Variants in KCNK2 observed in about 807,000 individuals in gnomAD.
KCNK2 encodes potassium two pore domain channel subfamily K member 2, also known as potassium channel subfamily K member 2.
Under a neutral mutation model 40.5 loss-of-function variants are expected in KCNK2, and 21 were observed. That is an observed-to-expected ratio of 0.52 (90% confidence interval 0.37 to 0.75). KCNK2 has a LOEUF of 0.75. KCNK2 is among the 30% of genes least tolerant of loss of function. The pLI is 0.00. For synonymous variants in KCNK2, 191 were observed against 202.2 expected (o/e 0.94, Z 0.47); for missense variants, 399 against 531.6 (o/e 0.75, Z 2.45).
At chr1:215,175,146 A>G (rs1558125454) in intron 5 of KCNK2, among the ~76,000 whole-genome samples, 1 of 152,142 alleles carries the variant, frequency 6.6e-6, no homozygotes, top group Non-Finnish European at 1.5e-5. Context: ...CGTCCCATCA[A>G]TGCCTAATTT....
At chr1:215,007,027 A>ATATATATATGTGTGTGTGTG (rs1656157389) in intron 1 of KCNK2, among the ~76,000 whole-genome samples, 1 of 56,152 alleles carries the variant, frequency 1.8e-5, no homozygotes, top group African/African-American at 5.8e-5. Flanking sequence ...ATATATATAT[A>ATATATATATGTGTGTGTGTG]TATATATATA....
chr1:215,070,036 G>T (rs781621909), intron 1 of KCNK2, among the ~76,000 whole-genome samples: 1 of 152,104 alleles, frequency 6.6e-6, no homozygotes, highest in Non-Finnish European at 1.5e-5. Context: ...AGAAATCAAA[G>T]AATAATTCAG....
chr1:215,145,068 A>G (rs1409431707), intron 3 of KCNK2, among the ~76,000 whole-genome samples: 1 of 152,112 alleles, frequency 6.6e-6, no homozygotes, highest in Admixed American at 6.6e-5. Context: ...TCCTTACTTG[A>G]AATATGTTTC....
rs1297952605 is a variant in KCNK2 at position 215,086,663 on chromosome 1, G to T, written c.342G>T (p.Leu114=). 2 of 1,613,392 alleles carry T rather than the reference G, an allele frequency of 1.2e-6. No homozygotes were observed. Residue 114 remains leucine, a synonymous_variant, in exon 2 of 7, where the codon CTG becomes CTT. Transcript: ENST00000444842. The stretch of plus-strand genomic sequence containing the variant: ...ATTCCTGTGTCAATTCGACGGAGCT[G>T]GATGAACTCATTCAGGTAATGGCAT... The part of the protein sequence containing the change: ...SQHSCVNSTE[L]DELIQQIVAA...
intron 5 of KCNK2, among the ~76,000 whole-genome samples, chr1:215,179,989 C>G (rs1054698219): frequency 2.6e-5 from 4 of 151,856 alleles, no homozygotes; most frequent in Non-Finnish European, 5.9e-5. Context: ...ATATGGCTAG[C>G]TGAGTCTTTT....
At chr1:215,201,036 C>T (rs1329959659) in intron 6 of KCNK2, among the ~76,000 whole-genome samples, 4 of 152,052 alleles carry the variant, frequency 2.6e-5, no homozygotes, top group East Asian at 1.9e-4. Flanking sequence ...TGAATATAGA[C>T]GAATTCACCT....
At chr1:215,007,923 T>A (rs1446899784) in intron 1 of KCNK2, among the ~76,000 whole-genome samples, 1 of 152,172 alleles carries the variant, frequency 6.6e-6, no homozygotes, top group Non-Finnish European at 1.5e-5. Flanking sequence ...CCAGGCAAAT[T>A]GCAAATCTTT....
chr1:215,098,714 G>C (rs140941057), intron 2 of KCNK2, among the ~76,000 whole-genome samples: 304 of 151,866 alleles, frequency 2.0e-3, no homozygotes, highest in Non-Finnish European at 3.4e-3. Context: ...ATACTTATTT[G>C]TACAAGGAAT....
intron 1 of KCNK2, among the ~76,000 whole-genome samples, chr1:215,070,555 A>G (rs994595789): frequency 1.3e-5 from 2 of 152,084 alleles, no homozygotes; most frequent in African/African-American, 2.4e-5. Flanking sequence ...GGCAGGCAAG[A>G]GAGCTTGTGC....
At chr1:215,006,745 C>T (rs1558053690) in intron 1 of KCNK2, among the ~76,000 whole-genome samples, 1 of 151,782 alleles carries the variant, frequency 6.6e-6, no homozygotes, top group Non-Finnish European at 1.5e-5. Context: ...GGTAATAGGA[C>T]ACGTTTCCTG....
At chr1:215,167,572 G>C (rs749567643) in intron 3 of KCNK2, among the ~76,000 whole-genome samples, 5 of 152,080 alleles carry the variant, frequency 3.3e-5, no homozygotes, top group Admixed American at 6.6e-5. Flanking sequence ...AGATATCCTT[G>C]CACAAAACTG....
intron 3 of KCNK2, among the ~76,000 whole-genome samples, chr1:215,135,821 G>A (rs561284729): frequency 5.9e-5 from 9 of 151,898 alleles, no homozygotes; most frequent in South Asian, 4.1e-4. Flanking sequence ...TGCAACCTCC[G>A]CCTCCTGGGT....
At chr1:215,068,796 A>G (rs184519572) in intron 1 of KCNK2, among the ~76,000 whole-genome samples, 126 of 152,292 alleles carry the variant, frequency 8.3e-4, no homozygotes, top group Non-Finnish European at 1.6e-3. Flanking sequence ...TACATATTAT[A>G]CCTGTTGACT....
intron 3 of KCNK2, among the ~76,000 whole-genome samples, chr1:215,166,793 T>G (rs1663466105): frequency 6.6e-6 from 1 of 152,094 alleles, no homozygotes; most frequent in African/African-American, 2.4e-5. Flanking sequence ...AATCTAGTAT[T>G]GTATTTTGCT....
intron 1 of KCNK2, among the ~76,000 whole-genome samples, chr1:215,012,798 TG>T (rs1170434083): frequency 6.6e-6 from 1 of 152,062 alleles, no homozygotes; most frequent in Non-Finnish European, 1.5e-5. Context: ...TTATTAGACT[TG>T]TGATTATCAG....
At chr1:215,201,816 C>A (rs1412477615) in intron 6 of KCNK2, among the ~76,000 whole-genome samples, 1 of 152,146 alleles carries the variant, frequency 6.6e-6, no homozygotes, top group Admixed American at 6.5e-5. Context: ...GGTACTTAGT[C>A]TTTGATTGGA....
At chr1:215,031,596 G>A (rs1571858869) in intron 1 of KCNK2, among the ~76,000 whole-genome samples, 1 of 152,132 alleles carries the variant, frequency 6.6e-6, no homozygotes, top group Non-Finnish European at 1.5e-5. Context: ...TGCTGAGTTG[G>A]CATAATGCAA....
At chr1:215,014,976 C>T (rs1428703134) in intron 1 of KCNK2, among the ~76,000 whole-genome samples, 1 of 152,118 alleles carries the variant, frequency 6.6e-6, no homozygotes, top group Non-Finnish European at 1.5e-5. Flanking sequence ...ATTAGAGTAA[C>T]ATAGGCTAGT....
At chr1:215,126,871 C>G (rs1036825481) in intron 3 of KCNK2, among the ~76,000 whole-genome samples, 12 of 152,076 alleles carry the variant, frequency 7.9e-5, no homozygotes, top group African/African-American at 2.9e-4. Context: ...CACATGAGGA[C>G]TTTTTACTGC....
Sources: allele counts gnomAD v4.1 joint callset (sites outside exome capture counted in the v4.1 genomes callset), GRCh38; gene constraint gnomAD v4.1.1; transcripts MANE v1.5; gene names NCBI Gene and HGNC (gene_info 2026-07-23, HGNC 2026-07-21).